Variants in MACF1 observed in about 807,000 individuals in gnomAD.
MACF1 encodes the protein microtubule actin crosslinking factor 1.
MACF1 carries 193 observed loss-of-function variants against 854.8 expected under a neutral mutation model. That is an observed-to-expected ratio of 0.23 (90% CI 0.20 to 0.25). MACF1 has a LOEUF of 0.25. Ranked by LOEUF, MACF1 falls within the 10% of genes least tolerant of loss-of-function variation. MACF1 has a pLI of 1.00. For synonymous variants in MACF1, 3,185 were observed against 3,226.7 expected, an observed-to-expected ratio of 0.99 and a Z score of 0.44; for missense variants, 7,722 against 8,929.1, an observed-to-expected ratio of 0.86 and a Z score of 5.45.
rs1570061828 is a variant in MACF1 at position 39,434,029 on chromosome 1, G to A, written c.17566-385G>A. 1.3e-5 allele frequency among the ~76,000 whole-genome samples: 2 copies of A among 152,250 alleles called. 1 individual carries two copies. The highest frequency in any genetic ancestry group is 4.1e-4 in the South Asian group (2 of 4,822). On this transcript the variant is annotated intron_variant, in intron 68 of 100. Coordinates refer to ENST00000564288, the MANE Select transcript of MACF1 (RefSeq NM_001394062.1). The stretch of plus-strand genomic sequence containing the variant: ...CAGGAGGCGGAGGTTACAGTGAGCT[G>A]AGATCGCGCCAGTGCACTCCAGCCT...
chr1:39,248,490 C>T (rs1645006369), intron 2 of MACF1, among the ~76,000 whole-genome samples: 1 of 151,964 alleles, frequency 6.6e-6, no homozygotes, highest in African/African-American at 2.4e-5. Context: ...CAGGTGTGAG[C>T]CATTGCACCT....
chr1:39,271,128 C>T (rs1387322602), intron 6 of MACF1, among the ~76,000 whole-genome samples: 1 of 152,134 alleles, frequency 6.6e-6, no homozygotes, highest in Admixed American at 6.5e-5. Flanking sequence ...ATGTATTAAG[C>T]TATTCTTGCA....
intron 5 of MACF1, among the ~76,000 whole-genome samples, chr1:39,256,379 T>C (rs1356072000): frequency 1.3e-5 from 2 of 151,972 alleles, no homozygotes; most frequent in Admixed American, 1.3e-4. Context: ...ACTTGCATCC[T>C]ACTCCCACCG....
At chr1:39,245,472 T>C (rs574760757) in intron 2 of MACF1, among the ~76,000 whole-genome samples, 202 of 152,202 alleles carry the variant, frequency 1.3e-3, no homozygotes, top group Non-Finnish European at 2.4e-3. Flanking sequence ...GGAGACAGGG[T>C]TTTGTCATGT....
intron 2 of MACF1, among the ~76,000 whole-genome samples, chr1:39,096,000 C>T (rs1182114155): frequency 2.0e-5 from 3 of 151,632 alleles, no homozygotes; most frequent in East Asian, 1.9e-4. Flanking sequence ...GAGACCTTGT[C>T]TCTAGAGAAA....
intron 91 of MACF1, chr1:39,459,895 T>G (rs1177019346): frequency 7.3e-6 from 9 of 1,238,906 alleles, no homozygotes; most frequent in Non-Finnish European, 9.6e-6. Flanking sequence ...CTTATTGGGT[T>G]CTTGGTGCTT....
At chr1:39,238,521 C>T (rs766901195) in intron 2 of MACF1, among the ~76,000 whole-genome samples, 1 of 152,138 alleles carries the variant, frequency 6.6e-6, no homozygotes, top group Admixed American at 6.5e-5. Flanking sequence ...TGTCTCTAAC[C>T]GTTGGAGGAA....
chr1:39,451,442 G>C (rs974508090), intron 85 of MACF1, among the ~76,000 whole-genome samples: 1 of 152,144 alleles, frequency 6.6e-6, no homozygotes, highest in African/African-American at 2.4e-5. Flanking sequence ...CTTCAAGGTT[G>C]CGCCTCTTCC....
chr1:39,385,075 T>C (rs1216978005), intron 56 of MACF1, among the ~76,000 whole-genome samples: 1 of 152,158 alleles, frequency 6.6e-6, no homozygotes, highest in African/African-American at 2.4e-5. Context: ...GACACTGCTT[T>C]TTCTTTTTTG....
At chr1:39,394,284 C>A (rs1169640457) in intron 58 of MACF1, among the ~76,000 whole-genome samples, 1 of 150,782 alleles carries the variant, frequency 6.6e-6, no homozygotes, top group Non-Finnish European at 1.5e-5. Flanking sequence ...GATTTATTGC[C>A]ACATAGAAAG....
chr1:39,458,878 A>T (rs1348811456), intron 90 of MACF1: 2 of 543,772 alleles, frequency 3.7e-6, no homozygotes, highest in Non-Finnish European at 6.4e-6. Context: ...TTGCTTGGAG[A>T]TATGTAGGCA....
At chr1:39,386,458 G>A (rs1419095265) in intron 57 of MACF1, among the ~76,000 whole-genome samples, 1 of 146,156 alleles carries the variant, frequency 6.8e-6, no homozygotes, top group Non-Finnish European at 1.5e-5. Context: ...TTGAGACAGA[G>A]TCTCACTCTG....
chr1:39,311,132 A>G (rs1255526593), intron 26 of MACF1, 132 bp downstream of exon 26: 1 of 961,464 alleles, frequency 1.0e-6, no homozygotes, highest in Non-Finnish European at 1.5e-6. Context: ...TTCTTCTTGC[A>G]GTCTATAAAT....
At chr1:39,158,518 G>A (rs1643734561) in intron 2 of MACF1, among the ~76,000 whole-genome samples, 1 of 152,196 alleles carries the variant, frequency 6.6e-6, no homozygotes, top group Non-Finnish European at 1.5e-5. Context: ...TTCTTGTGGT[G>A]AGCATGGCCC....
Position 39,157,828 on chromosome 1 carries a change from C to T in MACF1, c.221-73354C>T, listed in dbSNP as rs573384006. 2.6e-5 allele frequency among the ~76,000 whole-genome samples: 4 copies of T among 152,174 alleles called. No homozygotes were observed. In the South Asian group the frequency reaches 6.2e-4, roughly 24 times the overall value. On this transcript the variant is annotated intron_variant, in intron 2 of 93. Coordinates refer to the MACF1 transcript ENST00000361689. ...TTCAAGCGATCCTTCATCCTCAGCT[C>T]CCCAAGTAGCTGGGACTGCAGGAAC...
chr1:39,254,388 C>G lies in MACF1; in HGVS notation c.435+13C>G. 2 of 1,612,628 alleles carry G rather than the reference C, an allele frequency of 1.2e-6. No individual in the cohort carries two copies. Among genetic ancestry groups the G allele is most frequent in the Non-Finnish European group, 1.7e-6 (2 of 1,178,650 alleles). The stretch of plus-strand genomic sequence containing the variant: ...AAAGCAGCGACAGGTAAGACCATCA[C>G]ATGCCTTCCCCATTCTTCCAGGCTG... On this transcript the variant is annotated intron_variant, in intron 5 of 100. Transcript: ENST00000564288.
chr1:39,177,158 C>T (rs1047893303), intron 2 of MACF1, among the ~76,000 whole-genome samples: 2 of 152,048 alleles, frequency 1.3e-5, no homozygotes, highest in Non-Finnish European at 2.9e-5. Context: ...TTTTTGAGAC[C>T]TAGTTTCGCT....
At position 39,317,307 on chromosome 1, in the gene MACF1, C is replaced by A. The variant is rs769541831; in HGVS notation, c.3682C>A (p.Arg1228Ser). 1.2e-6 allele frequency: 2 copies of A among 1,614,036 alleles called. No individual in the cohort carries two copies. Among genetic ancestry groups the A allele is most frequent in the East Asian group, 2.2e-5 (1 of 44,872 alleles). ...KAKVVAEQMS[R>S]LTPERNLDLE... The stretch of plus-strand genomic sequence containing the variant: ...CAAGGTAGTGGCAGAGCAGATGAGT[C>A]GTCTGACACCAGAGCGAAATCTGGA... Residue 1228 changes from arginine to serine, a missense_variant, in exon 29 of 101, where the codon CGT becomes AGT. Arg to Ser is a moderately radical substitution (Grantham distance 110). Around this residue, in one of 15 missense-constraint regions of MACF1, gnomAD observed 1,137 missense variants for 1,263.0 expected, o/e 0.90. Transcript: ENST00000564288.
intron 26 of MACF1, among the ~76,000 whole-genome samples, chr1:39,313,319 A>T (rs910959045): frequency 3.9e-5 from 6 of 152,178 alleles, no homozygotes; most frequent in Non-Finnish European, 8.8e-5. Context: ...TGAGTATCCT[A>T]TGGGGAGGTA....
Sources: gnomAD v4.1 joint callset for allele counts (sites outside exome capture counted in the v4.1 genomes callset) on GRCh38, gnomAD v4.1.1 for gene constraint, gnomAD v4.1.1 regional missense constraint, MANE v1.5 for transcripts, NCBI Gene and HGNC (gene_info 2026-07-23, HGNC 2026-07-21) for gene names.